Variants in CYP7B1 observed in about 807,000 individuals in gnomAD.
The protein encoded by CYP7B1 is cytochrome P450 7B1.
A neutral mutation model predicts 42.7 loss-of-function variants in CYP7B1; 29 were observed. The observed-to-expected ratio is 0.68, with a 90% CI of 0.51 to 0.93. The LOEUF (loss-of-function observed/expected upper bound fraction) is 0.93, where lower values mean the gene tolerates loss of function less well. CYP7B1 is among the 40% of genes least tolerant of loss of function. CYP7B1 has a pLI of 0.00. For missense variants in CYP7B1, 655 were observed against 600.5 expected (o/e 1.09, Z -0.95); for synonymous variants, 235 against 218.2 (o/e 1.08, Z -0.68).
Position 64,623,164 on chromosome 8 carries a change from C to A in CYP7B1, c.259+1239G>T, listed in dbSNP as rs114388389. On this transcript the variant is annotated intron_variant, in intron 2 of 5. Transcript: ENST00000310193. Reference sequence around the variant, plus strand: ...TATTCCTTCCATCTCTCTACATGTGCCCCCATGCAATGTGACTCTGCTACT... The same window carrying A: ...TATTCCTTCCATCTCTCTACATGTGACCCCATGCAATGTGACTCTGCTACT... Among the ~76,000 whole-genome samples, 1,384 of 152,272 alleles carry A rather than the reference C, an allele frequency of 9.1e-3. 22 individuals carry two copies. Among genetic ancestry groups the A allele is most frequent in the African/African-American group, 0.031 (1,304 of 41,566 alleles).
intron 1 of CYP7B1, among the ~76,000 whole-genome samples, chr8:64,731,015 C>T (rs1380047286): frequency 1.3e-5 from 2 of 152,150 alleles, no homozygotes; most frequent in Non-Finnish European, 2.9e-5. Context: ...CTGTGAAGAA[C>T]GATGAGTCTG....
intron 1 of CYP7B1, among the ~76,000 whole-genome samples, chr8:64,712,780 T>TTA (rs5891971): frequency 1.7e-4 from 26 of 150,474 alleles, no homozygotes; most frequent in Admixed American, 3.3e-4. Context: ...ATTTTATATA[T>TTA]TATATATATA....
chr8:64,679,771 C>T (rs1037768966), intron 1 of CYP7B1, among the ~76,000 whole-genome samples: 1 of 152,112 alleles, frequency 6.6e-6, no homozygotes, highest in Non-Finnish European at 1.5e-5. Flanking sequence ...ATGTATAGAA[C>T]TTGGTGTGTT....
chr8:64,586,624 G>T (rs1342244479), downstream of CYP7B1, among the ~76,000 whole-genome samples: 1 of 152,202 alleles, frequency 6.6e-6, no homozygotes, highest in Non-Finnish European at 1.5e-5. Context: ...GATTCACATG[G>T]AAAGCAGGAG....
chr8:64,617,470 T>G (rs1478441611), intron 2 of CYP7B1, among the ~76,000 whole-genome samples: 1 of 152,192 alleles, frequency 6.6e-6, no homozygotes, highest in African/African-American at 2.4e-5. Context: ...TGGTAGACCC[T>G]TGATGAGAAG....
At chr8:64,741,171 C>T (rs1807562086) in intron 1 of CYP7B1, among the ~76,000 whole-genome samples, 1 of 90,274 alleles carries the variant, frequency 1.1e-5, no homozygotes, top group Non-Finnish European at 2.4e-5. Context: ...CCATACAACA[C>T]CTTACTGAAA....
intron 1 of CYP7B1, among the ~76,000 whole-genome samples, chr8:64,754,031 G>A (rs530767977): frequency 6.7e-6 from 1 of 149,786 alleles, no homozygotes; most frequent in East Asian, 2.0e-4. Flanking sequence ...GTTGGTGCTC[G>A]TACACAACCA....
chr8:64,793,675 G>A (rs1053928356), intron 1 of CYP7B1, among the ~76,000 whole-genome samples: 1 of 151,650 alleles, frequency 6.6e-6, no homozygotes, highest in Non-Finnish European at 1.5e-5. Context: ...TCCTTCCAAT[G>A]GAAATGATAA....
intron 1 of CYP7B1, among the ~76,000 whole-genome samples, chr8:64,642,528 A>G (rs970977022): frequency 6.6e-6 from 1 of 152,134 alleles, no homozygotes; most frequent in Admixed American, 6.5e-5. Flanking sequence ...TTATTTTAAC[A>G]TTTTAGGATT....
In CYP7B1 at chr8:64,615,987, C is replaced by T. The variant is rs1283082027; in HGVS notation, c.554G>A (p.Ser185Asn). 1.2e-6 allele frequency: 2 copies of T among 1,613,582 alleles called. No homozygotes were observed. Among genetic ancestry groups the T allele is most frequent in the African/African-American group, 1.3e-5 (1 of 74,874 alleles). ...WDTAELYPFC[S>N]SIIFEITFTT... ...AAATGTGATCTCAAATATTATTGAG[C>T]TGCAGAATGGATACAGTTCTGCCGT... The change falls in exon 3 of 6, where the codon AGC becomes AAC. Residue 185 changes from serine (S) to asparagine (N), a missense_variant. Transcript: ENST00000310193.
chr8:64,745,784 T>C (rs938501065), intron 1 of CYP7B1, among the ~76,000 whole-genome samples: 3 of 152,176 alleles, frequency 2.0e-5, no homozygotes, highest in Admixed American at 6.5e-5. Flanking sequence ...ATCAATATGA[T>C]TGGTACAAAC....
chr8:64,741,155 C>A (rs369627804), intron 1 of CYP7B1, among the ~76,000 whole-genome samples: 1 of 141,140 alleles, frequency 7.1e-6, no homozygotes, highest in South Asian at 2.2e-4. Flanking sequence ...GTCCCCTTCA[C>A]TACTCCCATA....
At chr8:64,725,310 C>T (rs1350644698) in intron 1 of CYP7B1, among the ~76,000 whole-genome samples, 2 of 152,282 alleles carry the variant, frequency 1.3e-5, no homozygotes, top group East Asian at 3.9e-4. Flanking sequence ...CAGCCATGAC[C>T]CTTATTGTGA....
intron 4 of CYP7B1, among the ~76,000 whole-genome samples, chr8:64,610,260 T>C (rs1367523530): frequency 6.6e-6 from 1 of 152,198 alleles, no homozygotes; most frequent in African/African-American, 2.4e-5. Flanking sequence ...ATTTTTCACT[T>C]TTTAACTGCT....
chr8:64,649,348 A>T (rs1806002580), intron 1 of CYP7B1, among the ~76,000 whole-genome samples: 1 of 152,214 alleles, frequency 6.6e-6, no homozygotes, highest in Non-Finnish European at 1.5e-5. Flanking sequence ...GTTAATATAA[A>T]ATCCTCAAGT....
chr8:64,635,797 C>A (rs1001313551), intron 1 of CYP7B1, among the ~76,000 whole-genome samples: 1 of 152,168 alleles, frequency 6.6e-6, no homozygotes, highest in Non-Finnish European at 1.5e-5. Context: ...GAATCTTTAG[C>A]TGTCAGTTCA....
At chr8:64,789,149 A>G (rs1400807696) in intron 1 of CYP7B1, among the ~76,000 whole-genome samples, 1 of 152,098 alleles carries the variant, frequency 6.6e-6, no homozygotes, top group African/African-American at 2.4e-5. Flanking sequence ...GCTTGTCTCA[A>G]ACTGCTGACC....
intron 4 of CYP7B1, among the ~76,000 whole-genome samples, chr8:64,612,734 T>G (rs1012838736): frequency 4.6e-5 from 7 of 152,164 alleles, no homozygotes; most frequent in Non-Finnish European, 1.0e-4. Flanking sequence ...GTAATCTTTT[T>G]TCCTCTTATA....
At chr8:64,671,303 A>C (rs1806364071) in intron 1 of CYP7B1, among the ~76,000 whole-genome samples, 1 of 152,136 alleles carries the variant, frequency 6.6e-6, no homozygotes, top group Non-Finnish European at 1.5e-5. Context: ...AGGGCTTTTC[A>C]CTTGCTACTC....
Sources: gnomAD v4.1 joint callset for allele counts (sites outside exome capture counted in the v4.1 genomes callset) on GRCh38, gnomAD v4.1.1 for gene constraint, MANE v1.5 for transcripts, NCBI Gene and HGNC (gene_info 2026-07-23, HGNC 2026-07-21) for gene names.